Variants in FAM83F observed in about 807,000 individuals in gnomAD.
FAM83F encodes the protein protein FAM83F.
FAM83F carries 45 observed loss-of-function variants against 42.9 expected under a neutral mutation model. The ratio of observed to expected loss-of-function variants is 1.05; its 90% CI spans 0.83 to 1.35. The LOEUF is 1.35. FAM83F is among the 40% of genes most tolerant of loss of function. The pLI is 0.00. For synonymous variants in FAM83F, 306 were observed against 298.3 expected, an observed-to-expected ratio of 1.03 and a Z score of -0.27; for missense variants, 617 against 695.9, an observed-to-expected ratio of 0.89 and a Z score of 1.28.
intron 1 of FAM83F, among the ~76,000 whole-genome samples, chr22:40,017,515 G>A (rs1237661120): frequency 6.6e-6 from 1 of 152,234 alleles, no homozygotes; most frequent in African/African-American, 2.4e-5. Flanking sequence ...TTACAGGCGT[G>A]AGACACCATG....
At position 40,035,175 on chromosome 22, in the gene FAM83F, G is replaced by A. The variant is rs1337986558; in HGVS notation, c.*5610G>A. ...TTTTCATTTAGAAAAATGGCTAGAA[G>A]TTAGGGCATTGCCTGCAGCCACTGA... On this transcript the variant is annotated 3_prime_UTR_variant, in exon 5 of 5. Coordinates refer to ENST00000333407, the MANE Select transcript of FAM83F (RefSeq NM_138435.4). 6.6e-6 allele frequency: 1 copy of A among 152,258 alleles called. No individual in the cohort carries two copies. The highest frequency in any genetic ancestry group is 1.9e-4 in the East Asian group (1 of 5,206). The allele number at this position is 152,258 out of a possible 1,614,324, so 9.4% of individuals were successfully genotyped here.
intron 1 of FAM83F, among the ~76,000 whole-genome samples, 180 bp from the exon 2 acceptor site, chr22:40,018,988 C>G (rs919187840): frequency 1.3e-5 from 2 of 152,180 alleles, no homozygotes; most frequent in African/African-American, 4.8e-5. Flanking sequence ...CCCCCAGGCC[C>G]ATCTCCAGGG....
Position 40,032,001 on chromosome 22 carries a change from A to T in FAM83F, c.*2436A>T, listed in dbSNP as rs1204223469. 6.6e-6 allele frequency: 1 copy of T among 152,290 alleles called. No homozygotes were observed. Among genetic ancestry groups the T allele is most frequent in the Non-Finnish European group, 1.5e-5 (1 of 68,128 alleles). 9.4% of individuals were successfully genotyped at this position (152,290 alleles called of 1,614,324 possible). On this transcript the variant is annotated 3_prime_UTR_variant, in exon 5 of 5. Coordinates refer to ENST00000333407, the MANE Select transcript of FAM83F (RefSeq NM_138435.4). Reference sequence around the variant, plus strand: ...TTGTGAAGCAGTCTCTTACTCATCAAATCTCAAGGGTACATCTGGCCCTCC... The same window carrying T: ...TTGTGAAGCAGTCTCTTACTCATCATATCTCAAGGGTACATCTGGCCCTCC...
intron 4 of FAM83F, among the ~76,000 whole-genome samples, chr22:40,026,336 C>T (rs566051347): frequency 3.3e-5 from 5 of 152,132 alleles, no homozygotes; most frequent in Admixed American, 1.3e-4. Context: ...CTGGCTAACA[C>T]GGTGAAATCC....
At position 39,997,127 on chromosome 22, in the gene FAM83F, G is replaced by A. The variant is rs192245584; in HGVS notation, c.489+1596G>A. Among the ~76,000 whole-genome samples the A allele has an allele frequency of 1.2e-4, 19 of 152,356 alleles. No individual in the cohort carries two copies. The East Asian group carries it at 3.1e-3, about 25-fold the overall frequency. On this transcript the variant is annotated intron_variant, in intron 1 of 4. Coordinates refer to ENST00000333407, the MANE Select transcript of FAM83F (RefSeq NM_138435.4). ...GAAGTTTCTTGCCAGAGTTTCCATA[G>A]CTAGTAAGTGGCTGAGCCAGGACCC... is the stretch of plus-strand genomic sequence containing the variant.
chr22:40,009,234 C>T (rs1244228789), intron 1 of FAM83F, among the ~76,000 whole-genome samples: 1 of 152,092 alleles, frequency 6.6e-6, no homozygotes, highest in African/African-American at 2.4e-5. Flanking sequence ...CCCTTCCTTC[C>T]CCAGGATAAG....
In FAM83F at chr22:40,033,698, T is replaced by A. The variant is rs1482649164; in HGVS notation, c.*4133T>A. 1.3e-5 allele frequency: 2 copies of A among 152,256 alleles called. No homozygotes were observed. Among genetic ancestry groups the A allele is most frequent in the African/African-American group, 4.8e-5 (2 of 41,456 alleles). The allele number at this position is 152,256 out of a possible 1,614,324, so 9.4% of individuals were successfully genotyped here. On this transcript the variant is annotated 3_prime_UTR_variant, in exon 5 of 5. Transcript: ENST00000333407. ...TGCCCCCGTTGAGAGCACTGGCTCT[T>A]TTCTTCACAGTCCTGACCTGGTGGC...
At chr22:40,015,419 C>G (rs190424225) in intron 1 of FAM83F, among the ~76,000 whole-genome samples, 1 of 152,308 alleles carries the variant, frequency 6.6e-6, no homozygotes, top group Non-Finnish European at 1.5e-5. Flanking sequence ...TAATGTTTGC[C>G]CAGCCAAGCG....
chr22:40,005,617 C>G (rs2067423236), intron 1 of FAM83F, among the ~76,000 whole-genome samples: 1 of 152,254 alleles, frequency 6.6e-6, no homozygotes, highest in Non-Finnish European at 1.5e-5. Flanking sequence ...ATACACCCTC[C>G]TTCATTCAAC....
In FAM83F at chr22:40,034,993, C is replaced by G. The variant is rs1435685826; in HGVS notation, c.*5428C>G. 1 of 152,158 alleles carries G rather than the reference C, an allele frequency of 6.6e-6. No individual in the cohort carries two copies. Among genetic ancestry groups the G allele is most frequent in the South Asian group, 2.1e-4 (1 of 4,820 alleles). The allele number at this position is 152,158 out of a possible 1,614,324, so 9.4% of individuals were successfully genotyped here. A position where few individuals can be genotyped will look rare whatever the true frequency, so the allele number is the denominator to read the frequency against. ...AGGCCTCTAGCTGCTCAAGGATGGC[C>G]CTGTCTGCATGCTTCCTTTCAAAAG... On this transcript the variant is annotated 3_prime_UTR_variant, in exon 5 of 5. Coordinates refer to ENST00000333407, the MANE Select transcript of FAM83F (RefSeq NM_138435.4).
chr22:40,021,874 G>T lies in FAM83F; in HGVS notation c.1364G>T (p.Gly455Val). The change falls in exon 4 of 5, where the codon GGC becomes GTC. Residue 455 changes from glycine (G) to valine (V), a missense_variant. Coordinates refer to ENST00000333407, the MANE Select transcript of FAM83F (RefSeq NM_138435.4). This position sits in a 1 kb window ranked among gnomAD's most constrained non-coding sequence, Gnocchi z 8.7. ...GCCAAGAGGCCTGCGGCGCCCAATG[G>T]CATGGCCAGCTCTGTCTCCACCGAG... Reference protein sequence around the residue: ...RRAKRPAAPNGMASSVSTETS... With the variant: ...RRAKRPAAPNVMASSVSTETS... 1 of 1,610,764 alleles carries T rather than the reference G, an allele frequency of 6.2e-7. No homozygotes were observed. The highest frequency in any genetic ancestry group is 8.5e-7 in the Non-Finnish European group (1 of 1,178,798).
chr22:40,043,265 T>C lies in FAM83F; in HGVS notation c.*13700T>C, dbSNP rs1226516951. On this transcript the variant is annotated 3_prime_UTR_variant, in exon 5 of 5. Coordinates refer to ENST00000333407, the MANE Select transcript of FAM83F (RefSeq NM_138435.4). ...GGGATTTGGGACGGTAAAATGTTAA[T>C]TACCCAAGATGGAATGTGGGCTAGA... is the stretch of plus-strand genomic sequence containing the variant. The C allele has an allele frequency of 6.6e-6, 1 of 152,224 alleles. No homozygotes were observed. The highest frequency in any genetic ancestry group is 1.9e-4 in the East Asian group (1 of 5,202). The allele number at this position is 152,224 out of a possible 1,614,324, so 9.4% of individuals were successfully genotyped here.
In FAM83F at chr22:40,041,848, T is replaced by C. The variant is rs572890434; in HGVS notation, c.*12283T>C. 3.9e-5 allele frequency: 6 copies of C among 152,312 alleles called. No individual in the cohort carries two copies. In the South Asian group the frequency reaches 1.2e-3, roughly 32 times the overall value. The allele number at this position is 152,312 out of a possible 1,614,324, so 9.4% of individuals were successfully genotyped here. On this transcript the variant is annotated 3_prime_UTR_variant, in exon 5 of 5. Coordinates refer to ENST00000333407, the MANE Select transcript of FAM83F (RefSeq NM_138435.4). ...TACAGAATATTAAATATTGAGTTAA[T>C]ATTATATTTACTCAATGTTACTTTT...
At chr22:40,003,777 G>T (rs1393914694) in intron 1 of FAM83F, among the ~76,000 whole-genome samples, 1 of 152,084 alleles carries the variant, frequency 6.6e-6, no homozygotes. Context: ...AGTCTCTCTG[G>T]CCCAGGTTTC....
Position 40,004,406 on chromosome 22 carries a change from G to A in FAM83F, c.489+8875G>A, listed in dbSNP as rs186950579. On this transcript the variant is annotated intron_variant, in intron 1 of 4. Coordinates refer to ENST00000333407, the MANE Select transcript of FAM83F (RefSeq NM_138435.4). ...CAACCTCTGCCTACTGGGTTCAAGC[G>A]ATTCTTCCGCCTCAGCCTCCCAAGT... 2.6e-3 allele frequency among the ~76,000 whole-genome samples: 394 copies of A among 152,002 alleles called. 1 individual carries two copies. The highest frequency in any genetic ancestry group is 4.3e-3 in the Non-Finnish European group (289 of 67,960).
chr22:40,027,572 A>G (rs1319378364), intron 4 of FAM83F, among the ~76,000 whole-genome samples: 1 of 152,238 alleles, frequency 6.6e-6, no homozygotes, highest in African/African-American at 2.4e-5. Context: ...TGTTCACCTG[A>G]GCAGGGCTGA....
At chr22:40,000,575 T>C (rs2067395294) in intron 1 of FAM83F, among the ~76,000 whole-genome samples, 1 of 152,172 alleles carries the variant, frequency 6.6e-6, no homozygotes. Context: ...GGCACTTTGC[T>C]GGACATTGAG....
In FAM83F at chr22:40,019,871, C is replaced by T. The variant is rs760760195; in HGVS notation, c.658-16C>T. 2 of 1,601,382 alleles carry T rather than the reference C, an allele frequency of 1.2e-6. No homozygotes were observed. Among genetic ancestry groups the T allele is most frequent in the South Asian group, 1.1e-5 (1 of 89,206 alleles). On this transcript the variant is annotated splice_polypyrimidine_tract_variant and intron_variant, in intron 2 of 4. Coordinates refer to ENST00000333407, the MANE Select transcript of FAM83F (RefSeq NM_138435.4). The stretch of plus-strand genomic sequence containing the variant: ...GGCCCAACCCAGGTGACAGGGCCTT[C>T]TGCTCTTCCCAACAGAACATCCGTG...
Position 39,995,577 on chromosome 22 carries a change from GTCCCCTGGACCGGGCCCCACC to G in FAM83F, c.489+51_489+71del. ...CCACACCGCTGGGACCTCGGCCCCA[GTCCCCTGGACCGGGCCCCACC>G]TCCCAGGCAGGGCCCGGGGCAGGCC... On this transcript the variant is annotated intron_variant, in intron 1 of 4. Coordinates refer to ENST00000333407, the MANE Select transcript of FAM83F (RefSeq NM_138435.4). The surrounding 1 kb of genome is among the most constrained non-coding windows in gnomAD (Gnocchi z 4.6). 1 of 1,499,426 alleles carries G rather than the reference GTCCCCTGGACCGGGCCCCACC, an allele frequency of 6.7e-7. No individual in the cohort carries two copies. The highest frequency in any genetic ancestry group is 1.7e-4 in the Middle Eastern group (1 of 5,764). 92.9% of individuals were successfully genotyped at this position (1,499,426 alleles called of 1,614,324 possible). A position where few individuals can be genotyped will look rare whatever the true frequency, so the allele number is the denominator to read the frequency against.
Sources: gnomAD v4.1 joint callset for allele counts (sites outside exome capture counted in the v4.1 genomes callset) on GRCh38, gnomAD v4.1.1 for gene constraint, Gnocchi (gnomAD v3.1) non-coding constraint, MANE v1.5 for transcripts, NCBI Gene and HGNC (gene_info 2026-07-23, HGNC 2026-07-21) for gene names.